Variants in XRN1 observed in about 807,000 individuals in gnomAD.
XRN1 encodes strand-exchange protein 1 homolog.
Under a neutral mutation model 222.3 loss-of-function variants are expected in XRN1, and 67 were observed. That is an observed-to-expected ratio of 0.30 (90% CI 0.25 to 0.37). The LOEUF (loss-of-function observed/expected upper bound fraction) is 0.37. Ranked by LOEUF, XRN1 falls within the 10% of genes least tolerant of loss-of-function variation. The pLI is 1.00. For missense variants in XRN1, 1,707 were observed against 2,000.2 expected, an observed-to-expected ratio of 0.85 and a Z score of 2.80; for synonymous variants, 643 against 652.4, an observed-to-expected ratio of 0.99 and a Z score of 0.22.
In XRN1 at chr3:142,383,393, G is replaced by C. The variant is rs748212165; in HGVS notation, c.2523C>G (p.Ser841=). The C allele has an allele frequency of 6.2e-7, 1 of 1,613,502 alleles. No homozygotes were observed. Among genetic ancestry groups the C allele is most frequent in the Non-Finnish European group, 8.5e-7 (1 of 1,179,788 alleles). Residue 841 remains serine (S), a synonymous_variant, in exon 22 of 41, where the codon TCC becomes TCG. Coordinates refer to ENST00000392981, the MANE Select transcript of XRN1 (RefSeq NM_001282857.2). The stretch of plus-strand genomic sequence containing the variant: ...CCAATGTTTTGATATTGGAGAAACG[G>C]GAGTCGAAAGCTCGGATGTCCTACA... The part of the protein sequence containing the change: ...TIVKDIRAFD[S]RFSNIKTLDD...
At chr3:142,428,199 C>G (rs2069343770) in intron 2 of XRN1, among the ~76,000 whole-genome samples, 1 of 152,032 alleles carries the variant, frequency 6.6e-6, no homozygotes, top group Non-Finnish European at 1.5e-5. Context: ...TTGAGACCAG[C>G]CTGGCCAACA....
chr3:142,349,888 A>T (rs1390646161), intron 32 of XRN1, among the ~76,000 whole-genome samples: 1 of 152,218 alleles, frequency 6.6e-6, no homozygotes, highest in Non-Finnish European at 1.5e-5. Flanking sequence ...AGATAATGAG[A>T]AAATATAATA....
intron 24 of XRN1, 21 bp downstream of exon 24, chr3:142,376,458 A>G: frequency 1.3e-6 from 2 of 1,553,600 alleles, no homozygotes; most frequent in Non-Finnish European, 1.8e-6. Flanking sequence ...CTTTAAGTAA[A>G]TTTCTCTAAC....
chr3:142,404,005 A>G lies in XRN1; in HGVS notation c.1884-16T>C, dbSNP rs1357237569. 1 of 1,542,840 alleles carries G rather than the reference A, an allele frequency of 6.5e-7. No individual in the cohort carries two copies. The highest frequency in any genetic ancestry group is 2.3e-5 in the East Asian group (1 of 44,392). ...TATTTTATACCTAGAAAATAAATCA[A>G]GGCATTTAATTTAAAATTAATACAT... On this transcript the variant is annotated splice_polypyrimidine_tract_variant and intron_variant, in intron 16 of 40. Coordinates refer to ENST00000392981, the MANE Select transcript of XRN1 (RefSeq NM_001282857.2).
At chr3:142,367,817 G>A (rs1027470002) in intron 27 of XRN1, among the ~76,000 whole-genome samples, 8 of 151,982 alleles carry the variant, frequency 5.3e-5, no homozygotes, top group East Asian at 3.9e-4. Flanking sequence ...GTGAGTCACC[G>A]TGCCCAGCCA....
In XRN1 at chr3:142,365,283, CTCTGAATTCTTTGA is replaced by C; in HGVS notation, c.3261+13_3261+26del. On this transcript the variant is annotated intron_variant, in intron 28 of 40. Transcript: ENST00000392981. ...CATGCATTCAAAGTGAAAGCAACAA[CTCTGAATTCTTTGA>C]TAGGAAACTTACTCTGTATAGCAAA... 1 of 1,588,190 alleles carries C rather than the reference CTCTGAATTCTTTGA, an allele frequency of 6.3e-7. No individual in the cohort carries two copies. The highest frequency in any genetic ancestry group is 1.2e-5 in the South Asian group (1 of 83,922).
At chr3:142,371,009 C>T (rs2066973296) in intron 26 of XRN1, among the ~76,000 whole-genome samples, 1 of 151,854 alleles carries the variant, frequency 6.6e-6, no homozygotes, top group Non-Finnish European at 1.5e-5. Flanking sequence ...GAGGCGTACG[C>T]CTAATAGGCC....
Position 142,397,403 on chromosome 3 carries a change from T to C in XRN1, c.2265A>G (p.Pro755=), listed in dbSNP as rs1473517910. 1.2e-6 allele frequency: 2 copies of C among 1,609,848 alleles called. No homozygotes were observed. Among genetic ancestry groups the C allele is most frequent in the Admixed American group, 1.7e-5 (1 of 59,736 alleles). ...CTCCAAGATGAACCACTTTAGATGG[T>C]GGGGCAGTTCTTCCTGAATAAAGCT... ...TQKLYSGRTA[P]PSKVVHLGDK... The change falls in exon 20 of 41, where the codon CCA becomes CCG. Residue 755 remains proline (P), a synonymous_variant. Coordinates refer to ENST00000392981, the MANE Select transcript of XRN1 (RefSeq NM_001282857.2).
rs751442869 is a variant in XRN1 at position 142,347,215 on chromosome 3, T to A, written c.3877+19A>T. On this transcript the variant is annotated intron_variant, in intron 33 of 40. Transcript: ENST00000392981. The stretch of plus-strand genomic sequence containing the variant: ...AAGAAGCAGCACACACAAGTACACC[T>A]TTCTAATTTAAAACTTACATTTTCT... The A allele has an allele frequency of 3.5e-5, 54 of 1,522,350 alleles. No individual in the cohort carries two copies. The Admixed American group carries it at 8.3e-4, about 23-fold the overall frequency. The allele number at this position is 1,522,350 out of a possible 1,614,324, so 94.3% of individuals were successfully genotyped here. A position where few individuals can be genotyped will look rare whatever the true frequency, so the allele number is the denominator to read the frequency against.
At chr3:142,419,359 G>A (rs1374929088) in intron 10 of XRN1, among the ~76,000 whole-genome samples, 1 of 152,132 alleles carries the variant, frequency 6.6e-6, no homozygotes, top group Non-Finnish European at 1.5e-5. Flanking sequence ...ACAAAAACCA[G>A]TGGAATGCAG....
At chr3:142,383,988 AGGCTGGGCGCAGT>A (rs2067397685) in intron 21 of XRN1, among the ~76,000 whole-genome samples, 1 of 151,828 alleles carries the variant, frequency 6.6e-6, no homozygotes, top group African/African-American at 2.4e-5. Flanking sequence ...AAACCATAAA[AGGCTGGGCGCAGT>A]GGCTCACGCC....
At chr3:142,350,596 G>A (rs1380024361) in intron 32 of XRN1, among the ~76,000 whole-genome samples, 2 of 152,144 alleles carry the variant, frequency 1.3e-5, no homozygotes, top group Admixed American at 6.6e-5. Context: ...ATAGACTGTA[G>A]AGGAGCCAGG....
chr3:142,321,105 CTT>C (rs573856556), intron 37 of XRN1, among the ~76,000 whole-genome samples: 4 of 87,312 alleles, frequency 4.6e-5, no homozygotes, highest in South Asian at 4.1e-4. Context: ...CATCCACTTC[CTT>C]TTTTTTTTTT....
intron 34 of XRN1, among the ~76,000 whole-genome samples, chr3:142,334,748 GTA>G (rs1302161657): frequency 4.2e-5 from 6 of 143,000 alleles, no homozygotes; most frequent in African/African-American, 1.4e-4. Flanking sequence ...CTATGTGTGT[GTA>G]TATATATGTC....
At chr3:142,359,531 T>G (rs2066559407) in intron 30 of XRN1, among the ~76,000 whole-genome samples, 1 of 152,206 alleles carries the variant, frequency 6.6e-6, no homozygotes, top group Admixed American at 6.5e-5. Flanking sequence ...ATTCTTCAAG[T>G]TCTATCTTAA....
intron 20 of XRN1, among the ~76,000 whole-genome samples, chr3:142,384,996 G>A (rs769677332): frequency 4.6e-5 from 7 of 152,144 alleles, no homozygotes; most frequent in Non-Finnish European, 7.4e-5. Context: ...GTGATGACAT[G>A]GAAAAACTGG....
intron 39 of XRN1, chr3:142,313,272 G>T: frequency 7.3e-7 from 1 of 1,361,100 alleles, no homozygotes; most frequent in Non-Finnish European, 1.0e-6. Flanking sequence ...TGAAGTCAAG[G>T]CCTTTTTTCA....
chr3:142,399,821 C>T (rs1373671077), intron 19 of XRN1, among the ~76,000 whole-genome samples: 2 of 150,182 alleles, frequency 1.3e-5, no homozygotes, highest in Non-Finnish European at 3.0e-5. Flanking sequence ...AAAGACATTT[C>T]GGATGTGTAA....
chr3:142,313,730 A>G (rs1325103462), intron 39 of XRN1, among the ~76,000 whole-genome samples: 1 of 152,236 alleles, frequency 6.6e-6, no homozygotes, highest in Non-Finnish European at 1.5e-5. Flanking sequence ...TATGAAAAAC[A>G]CTAATAAGAT....
Sources: gnomAD v4.1 joint callset for allele counts (sites outside exome capture counted in the v4.1 genomes callset) on GRCh38, gnomAD v4.1.1 for gene constraint, MANE v1.5 for transcripts, NCBI Gene and HGNC (gene_info 2026-07-23, HGNC 2026-07-21) for gene names.